The following SYNJ2BP variants were observed in gnomAD, a reference collection of about 807,000 sequenced individuals.
SYNJ2BP encodes the protein synaptojanin 2 binding protein.
A neutral mutation model predicts 16.9 loss-of-function variants in SYNJ2BP; 10 were observed. That is an observed-to-expected ratio of 0.59 (90% CI 0.36 to 1.00). The LOEUF is 1.00. SYNJ2BP is among the 50% of genes least tolerant of loss of function. The pLI is 0.01. For synonymous variants in SYNJ2BP, 54 were observed against 68.4 expected (o/e 0.79, Z 1.04); for missense variants, 162 against 186.7 (o/e 0.87, Z 0.77).
At chr14:70,375,916 A>C (rs1887620246) in intron 2 of SYNJ2BP, 145 bp from the exon 3 acceptor site, 3 of 976,180 alleles carry the variant, frequency 3.1e-6, no homozygotes, top group Non-Finnish European at 4.3e-6. Flanking sequence ...CTTAGAGCTC[A>C]GAACTTAGAA....
At position 70,373,078 on chromosome 14, in the gene SYNJ2BP, A is replaced by G; in HGVS notation, c.351T>C (p.Gly117=). The part of the protein sequence containing the change: ...IGHRGEGDPS[G]IPIFMVLVPV... The stretch of plus-strand genomic sequence containing the variant: ...GCACCAGCACCATAAATATGGGAAT[A>G]CCACTTGGGTCCCCTTCACCTCGAT... Residue 117 remains glycine (G), a synonymous_variant, in exon 4 of 4, where the codon GGT becomes GGC. Transcript: ENST00000256366. 6.2e-7 allele frequency: 1 copy of G among 1,614,158 alleles called. No individual in the cohort carries two copies. Among genetic ancestry groups the G allele is most frequent in the Non-Finnish European group, 8.5e-7 (1 of 1,180,022 alleles).
chr14:70,382,409 G>A (rs1887772135), intron 2 of SYNJ2BP, among the ~76,000 whole-genome samples: 1 of 152,124 alleles, frequency 6.6e-6, no homozygotes, highest in Non-Finnish European at 1.5e-5. Context: ...TCCTGTTATA[G>A]GTTATAATTT....
chr14:70,416,921 T>C lies in SYNJ2BP; in HGVS notation c.43A>G (p.Asn15Asp). ...VDYLVTEEEI[N>D]LTRGPSGLGF... Reference sequence around the variant, plus strand: ...ATACCTGAGGGCCCTCTGGTAAGATTGATCTCTTCCTCAGTGACCAAATAA... The same window carrying C: ...ATACCTGAGGGCCCTCTGGTAAGATCGATCTCTTCCTCAGTGACCAAATAA... Residue 15 changes from asparagine to aspartate, a missense_variant, in exon 1 of 4, where the codon AAT becomes GAT. Coordinates refer to ENST00000256366, the MANE Select transcript of SYNJ2BP (RefSeq NM_018373.3). 1.2e-6 allele frequency: 2 copies of C among 1,614,186 alleles called. No individual in the cohort carries two copies. Among genetic ancestry groups the C allele is most frequent in the Non-Finnish European group, 1.7e-6 (2 of 1,180,036 alleles).
chr14:70,398,525 T>C (rs923830734), intron 1 of SYNJ2BP, among the ~76,000 whole-genome samples: 1 of 152,074 alleles, frequency 6.6e-6, no homozygotes, highest in African/African-American at 2.4e-5. Context: ...GCCCTAAGTG[T>C]GTACACACTG....
chr14:70,396,574 GTGTA>G (rs1467371253), intron 1 of SYNJ2BP, among the ~76,000 whole-genome samples: 1 of 86,646 alleles, frequency 1.2e-5, no homozygotes. Flanking sequence ...AATGATATGT[GTGTA>G]TGTATGTATG....
intron 2 of SYNJ2BP, among the ~76,000 whole-genome samples, chr14:70,378,550 C>T (rs887348784): frequency 5.9e-5 from 9 of 151,634 alleles, no homozygotes; most frequent in Admixed American, 3.9e-4. Context: ...CCTCAGCCTC[C>T]GAAAGTGCTG....
At chr14:70,404,637 C>T (rs183930044) in intron 1 of SYNJ2BP, among the ~76,000 whole-genome samples, 98 of 152,236 alleles carry the variant, frequency 6.4e-4, no homozygotes, top group African/African-American at 2.3e-3. Flanking sequence ...TTCCTAGGTT[C>T]TTCACTGGAA....
Position 70,366,954 on chromosome 14 carries a change from A to G in SYNJ2BP, c.*6037T>C, listed in dbSNP as rs1887400960. ...TATTCATCTCCATTTGCAAATCTAC[A>G]AACTAGGAGGAAGGACTAACCCTTT... On this transcript the variant is annotated 3_prime_UTR_variant, in exon 4 of 4. Coordinates refer to ENST00000256366, the MANE Select transcript of SYNJ2BP (RefSeq NM_018373.3). 6.6e-6 allele frequency: 1 copy of G among 152,376 alleles called. No individual in the cohort carries two copies. Among genetic ancestry groups the G allele is most frequent in the Admixed American group, 6.5e-5 (1 of 15,306 alleles). The allele number at this position is 152,376 out of a possible 1,614,324, so 9.4% of individuals were successfully genotyped here.
chr14:70,394,804 T>TTA (rs1888056158), intron 1 of SYNJ2BP, among the ~76,000 whole-genome samples: 1 of 152,124 alleles, frequency 6.6e-6, no homozygotes, highest in South Asian at 2.1e-4. Flanking sequence ...GCTATGTACT[T>TTA]TATATATATT....
In SYNJ2BP at chr14:70,370,624, T is replaced by C. The variant is rs946620924; in HGVS notation, c.*2367A>G. 6.6e-6 allele frequency: 1 copy of C among 152,190 alleles called. No individual in the cohort carries two copies. The highest frequency in any genetic ancestry group is 1.5e-5 in the Non-Finnish European group (1 of 68,038). 9.4% of individuals were successfully genotyped at this position (152,190 alleles called of 1,614,324 possible). On this transcript the variant is annotated 3_prime_UTR_variant, in exon 4 of 4. Coordinates refer to ENST00000256366, the MANE Select transcript of SYNJ2BP (RefSeq NM_018373.3). Reference sequence around the variant, plus strand: ...GATGCCATTATGTGACATCTTTTTTTCCCTGAATTTCTAAAAGAAAATGTG... The same window carrying C: ...GATGCCATTATGTGACATCTTTTTTCCCCTGAATTTCTAAAAGAAAATGTG...
At chr14:70,387,990 CA>C (rs1887897528) in intron 2 of SYNJ2BP, among the ~76,000 whole-genome samples, 1 of 152,118 alleles carries the variant, frequency 6.6e-6, no homozygotes, top group Non-Finnish European at 1.5e-5. Flanking sequence ...TCCAAATTTT[CA>C]TGTTAATAAT....
intron 2 of SYNJ2BP, among the ~76,000 whole-genome samples, chr14:70,378,590 GC>G (rs1188586566): frequency 6.6e-6 from 1 of 151,800 alleles, no homozygotes; most frequent in South Asian, 2.1e-4. Context: ...TTGTGCCCCA[GC>G]CCAGGCTAAA....
chr14:70,367,577 AAAAAAAAAAAG>A lies in SYNJ2BP; in HGVS notation c.*5403_*5413del, dbSNP rs1887419240. Reference sequence around the variant, plus strand: ...ACTCCGTCTCAAAAAAAAAAAAAAAAAAAAAAAAAAGAAAAGAAAAGAATCTGGTTCTGATC... The same window carrying A: ...ACTCCGTCTCAAAAAAAAAAAAAAAAAAAAGAAAAGAATCTGGTTCTGATC... On this transcript the variant is annotated 3_prime_UTR_variant, in exon 4 of 4. Coordinates refer to ENST00000256366, the MANE Select transcript of SYNJ2BP (RefSeq NM_018373.3). 2 of 151,480 alleles carry A rather than the reference AAAAAAAAAAAG, an allele frequency of 1.3e-5. No homozygotes were observed. Among genetic ancestry groups the A allele is most frequent in the Admixed American group, 6.6e-5 (1 of 15,190 alleles). 9.4% of individuals were successfully genotyped at this position (151,480 alleles called of 1,614,324 possible).
intron 3 of SYNJ2BP, among the ~76,000 whole-genome samples, chr14:70,374,299 T>C (rs1887577755): frequency 6.6e-6 from 1 of 152,216 alleles, no homozygotes; most frequent in Admixed American, 6.5e-5. Flanking sequence ...TTATCTCTTA[T>C]TAACCTGTTT....
intron 1 of SYNJ2BP, among the ~76,000 whole-genome samples, chr14:70,414,582 C>T (rs1888561904): frequency 1.3e-5 from 2 of 152,192 alleles, no homozygotes; most frequent in African/African-American, 2.4e-5. Context: ...CAGGGTCCTG[C>T]TCTGCTTTAG....
chr14:70,371,892 G>C lies in SYNJ2BP; in HGVS notation c.*1099C>G, dbSNP rs1179569189. The C allele has an allele frequency of 2.6e-5, 4 of 152,098 alleles. No homozygotes were observed. Among genetic ancestry groups the C allele is most frequent in the Non-Finnish European group, 5.9e-5 (4 of 68,026 alleles). The allele number at this position is 152,098 out of a possible 1,614,324, so 9.4% of individuals were successfully genotyped here. On this transcript the variant is annotated 3_prime_UTR_variant, in exon 4 of 4. Transcript: ENST00000256366. ...TTAGAGTTTTCTTGCTGGGGTGTTT[G>C]GCTCCAGCACTATAGCCCTTACCAC...
At position 70,372,828 on chromosome 14, in the gene SYNJ2BP, T is replaced by G; in HGVS notation, c.*163A>C. On this transcript the variant is annotated 3_prime_UTR_variant, in exon 4 of 4. Transcript: ENST00000256366. ...TTCAAACAATACCTTTACTTTCCCA[T>G]TAGAATATGAAGAATTGGAGACTGT... 2.9e-6 allele frequency: 3 copies of G among 1,044,168 alleles called. No homozygotes were observed. Among genetic ancestry groups the G allele is most frequent in the Non-Finnish European group, 4.1e-6 (3 of 729,560 alleles). The allele number at this position is 1,044,168 out of a possible 1,614,324, so 64.7% of individuals were successfully genotyped here.
chr14:70,404,650 T>C (rs1888310129), intron 1 of SYNJ2BP, among the ~76,000 whole-genome samples: 2 of 152,136 alleles, frequency 1.3e-5, no homozygotes, highest in Admixed American at 6.6e-5. Context: ...CACTGGAAAT[T>C]AGGGTTACTA....
At position 70,372,922 on chromosome 14, in the gene SYNJ2BP, G is replaced by A; in HGVS notation, c.*69C>T. 6.3e-7 allele frequency: 1 copy of A among 1,588,974 alleles called. No homozygotes were observed. Among genetic ancestry groups the A allele is most frequent in the African/African-American group, 1.3e-5 (1 of 74,786 alleles). On this transcript the variant is annotated 3_prime_UTR_variant, in exon 4 of 4. Transcript: ENST00000256366. ...CTATGCAGAGAGAGGGAAAGACATG[G>A]CAGAATAGCAGGGGTGGAGGGTGAG...
Sources: gnomAD v4.1 joint callset for allele counts (sites outside exome capture counted in the v4.1 genomes callset) on GRCh38, gnomAD v4.1.1 for gene constraint, MANE v1.5 for transcripts, NCBI Gene and HGNC (gene_info 2026-07-23, HGNC 2026-07-21) for gene names.